Variants in NLK observed in about 807,000 individuals in gnomAD.
NLK encodes nemo like kinase, also known as serine/threonine-protein kinase NLK.
Under a neutral mutation model 59.0 loss-of-function variants are expected in NLK, and 11 were observed. The ratio of observed to expected loss-of-function variants is 0.19; its 90% CI spans 0.12 to 0.31. NLK has a LOEUF of 0.31. Ranked by LOEUF, NLK falls within the 10% of genes least tolerant of loss-of-function variation. NLK has a pLI of 1.00. For missense variants in NLK, 410 were observed against 661.1 expected, an observed-to-expected ratio of 0.62 and a Z score of 4.16; for synonymous variants, 235 against 235.9, an observed-to-expected ratio of 1.00 and a Z score of 0.03.
intron 2 of NLK, among the ~76,000 whole-genome samples, chr17:28,127,472 G>A (rs1253052523): frequency 6.6e-6 from 1 of 152,172 alleles, no homozygotes; most frequent in Admixed American, 6.5e-5. Flanking sequence ...TAACTGTTGT[G>A]CCGCTAAGGA....
intron 2 of NLK, among the ~76,000 whole-genome samples, chr17:28,130,008 A>G (rs893307973): frequency 1.4e-4 from 21 of 152,350 alleles, no homozygotes; most frequent in South Asian, 6.2e-4. Flanking sequence ...GGTAATGACT[A>G]TCATTTAAAG....
intron 3 of NLK, among the ~76,000 whole-genome samples, chr17:28,149,101 C>T (rs902132309): frequency 1.5e-4 from 23 of 152,148 alleles, no homozygotes; most frequent in Admixed American, 1.1e-3. Context: ...CTTGCTCTGT[C>T]GCCAACGCTG....
chr17:28,126,890 A>G (rs1906310740), intron 2 of NLK, among the ~76,000 whole-genome samples: 2 of 152,198 alleles, frequency 1.3e-5, no homozygotes, highest in African/African-American at 4.8e-5. Flanking sequence ...ATGTATATAC[A>G]TGCATAGTTG....
At chr17:28,083,623 T>C (rs1461118265) in intron 1 of NLK, among the ~76,000 whole-genome samples, 1 of 152,170 alleles carries the variant, frequency 6.6e-6, no homozygotes, top group Non-Finnish European at 1.5e-5. Context: ...GAGGGTACAT[T>C]TTATGATTTT....
At chr17:28,155,574 TA>T (rs1271571687) in intron 3 of NLK, among the ~76,000 whole-genome samples, 1 of 152,136 alleles carries the variant, frequency 6.6e-6, no homozygotes, top group Non-Finnish European at 1.5e-5. Flanking sequence ...ATGTGGCACA[TA>T]TACACCATGG....
At chr17:28,094,945 C>T (rs1475758268) in intron 1 of NLK, among the ~76,000 whole-genome samples, 2 of 152,256 alleles carry the variant, frequency 1.3e-5, no homozygotes, top group East Asian at 1.9e-4. Flanking sequence ...AGAGGTAGTT[C>T]TCAGTCCACA....
At chr17:28,123,944 T>A (rs1408766660) in intron 2 of NLK, among the ~76,000 whole-genome samples, 2 of 152,126 alleles carry the variant, frequency 1.3e-5, no homozygotes, top group Non-Finnish European at 2.9e-5. Flanking sequence ...AGAAAAAAAA[T>A]TATGATTTCT....
chr17:28,167,710 A>C lies in NLK; in HGVS notation c.838-738A>C, dbSNP rs527362778. ...ACAAAAAAAAAAAAAAACCCACAAA[A>C]ATTAGCCAGGTGTGGTAGCACATGC... is the stretch of plus-strand genomic sequence containing the variant. On this transcript the variant is annotated intron_variant, in intron 5 of 10. Coordinates refer to ENST00000407008, the MANE Select transcript of NLK (RefSeq NM_016231.5). Among the ~76,000 whole-genome samples the C allele has an allele frequency of 6.6e-5, 10 of 151,720 alleles. No individual in the cohort carries two copies. In the South Asian group the frequency reaches 2.1e-3, roughly 32 times the overall value.
At chr17:28,187,365 G>A (rs980416080) in intron 8 of NLK, among the ~76,000 whole-genome samples, 22 of 152,234 alleles carry the variant, frequency 1.4e-4, no homozygotes, top group Admixed American at 4.6e-4. Flanking sequence ...GTGCAGCAGC[G>A]CAATCTCAGC....
intron 7 of NLK, among the ~76,000 whole-genome samples, chr17:28,183,649 T>TA (rs949399135): frequency 6.6e-5 from 10 of 152,300 alleles, no homozygotes; most frequent in Non-Finnish European, 1.2e-4. Context: ...ACTTTATTGT[T>TA]ATTTGAGTTG....
intron 3 of NLK, among the ~76,000 whole-genome samples, chr17:28,144,359 C>T (rs35861302): frequency 8.7e-4 from 128 of 147,704 alleles, no homozygotes; most frequent in African/African-American, 3.1e-3. Context: ...AACTTATTCA[C>T]GCTAGCTCTT....
intron 4 of NLK, among the ~76,000 whole-genome samples, chr17:28,163,196 G>A (rs889695353): frequency 4.6e-5 from 7 of 152,192 alleles, no homozygotes; most frequent in African/African-American, 1.7e-4. Context: ...CGAGTTGCAG[G>A]TTAAGAGTAT....
chr17:28,172,928 A>G (rs1172289754), intron 7 of NLK, among the ~76,000 whole-genome samples: 2 of 152,222 alleles, frequency 1.3e-5, no homozygotes, highest in African/African-American at 4.8e-5. Flanking sequence ...CCTCAATGCC[A>G]TAACCTACTA....
In NLK at chr17:28,160,027, AT is replaced by A. The variant is rs1907937898; in HGVS notation, c.645-1132del. ...AATGTCAATTAGGTATCCAGGGGAA[AT>A]AGGTAGGCAGTTTGATATACCAGTC... On this transcript the variant is annotated intron_variant, in intron 3 of 10. Transcript: ENST00000407008. Among the ~76,000 whole-genome samples, 9 of 152,322 alleles carry A rather than the reference AT, an allele frequency of 5.9e-5. No homozygotes were observed. In the South Asian group the frequency reaches 1.9e-3, roughly 32 times the overall value.
At chr17:28,083,330 G>A (rs1008440384) in intron 1 of NLK, among the ~76,000 whole-genome samples, 2 of 152,254 alleles carry the variant, frequency 1.3e-5, no homozygotes, top group African/African-American at 4.8e-5. Context: ...ACATGAATTT[G>A]TGGAGACTTT....
intron 5 of NLK, among the ~76,000 whole-genome samples, chr17:28,168,150 C>T (rs1371286338): frequency 6.9e-6 from 1 of 144,386 alleles, no homozygotes; most frequent in African/African-American, 2.6e-5. Flanking sequence ...TATGGTGAAA[C>T]CCCTTCTCTA....
chr17:28,054,547 A>G (rs966462866), intron 1 of NLK, among the ~76,000 whole-genome samples: 3 of 152,324 alleles, frequency 2.0e-5, no homozygotes. Context: ...ATGTTACTTA[A>G]TTTCTCAGAT....
intron 1 of NLK, among the ~76,000 whole-genome samples, chr17:28,114,535 T>C (rs1160568069): frequency 6.6e-6 from 1 of 152,220 alleles, no homozygotes; most frequent in African/African-American, 2.4e-5. Flanking sequence ...AATGTAGATA[T>C]GAAAAGACGT....
intron 1 of NLK, among the ~76,000 whole-genome samples, chr17:28,077,778 A>G (rs1405796930): frequency 6.6e-6 from 1 of 152,178 alleles, no homozygotes; most frequent in Non-Finnish European, 1.5e-5. Flanking sequence ...GTGTGTTATA[A>G]TTCTTTCATA....
Sources: gnomAD v4.1 joint callset for allele counts (sites outside exome capture counted in the v4.1 genomes callset) on GRCh38, gnomAD v4.1.1 for gene constraint, MANE v1.5 for transcripts, NCBI Gene and HGNC (gene_info 2026-07-23, HGNC 2026-07-21) for gene names.